CNTNAP2: variants seen among roughly 807,000 people sequenced by gnomAD.
The protein encoded by CNTNAP2 is contactin-associated protein-like 2.
A neutral mutation model predicts 155.2 loss-of-function variants in CNTNAP2; 98 were observed. The ratio of observed to expected loss-of-function variants is 0.63; its 90% confidence interval spans 0.54 to 0.75. CNTNAP2 has a LOEUF of 0.75. Among genes scored for constraint, CNTNAP2 ranks in the 30% least tolerant of loss-of-function variants. CNTNAP2 has a pLI of 0.00. For missense variants in CNTNAP2, 1,727 were observed against 1,688.1 expected (o/e 1.02, Z -0.40); for synonymous variants, 651 against 631.2 (o/e 1.03, Z -0.47).
At chr7:148,205,379 G>A (rs952528733) in intron 18 of CNTNAP2, among the ~76,000 whole-genome samples, 11 of 152,244 alleles carry the variant, frequency 7.2e-5, no homozygotes, top group Admixed American at 5.2e-4. Context: ...AGCAAACTGT[G>A]AAGTTAGCAG....
rs193203892 is a variant in CNTNAP2, at chr7:148,270,702, G to C, written c.3475+3576G>C. On this transcript the variant is annotated intron_variant, in intron 21 of 23. Transcript: ENST00000361727. ...ATCAGTAAGATTCGCACAGAGGTGA[G>C]AGCTGCAATCCTCACATATCTCACA... is the stretch of plus-strand genomic sequence containing the variant. 1.3e-4 allele frequency among the ~76,000 whole-genome samples: 20 copies of C among 152,338 alleles called. No individual in the cohort carries two copies. The East Asian group carries it at 3.3e-3, about 25-fold the overall frequency.
chr7:148,339,530 A>T (rs528317764), intron 21 of CNTNAP2: 1 of 152,266 alleles, frequency 6.6e-6, no homozygotes, highest in African/African-American at 2.4e-5. Flanking sequence ...CTGCCGGCCG[A>T]CAAAGGACGG....
chr7:147,533,800 C>G (rs1799488152), intron 11 of CNTNAP2, among the ~76,000 whole-genome samples: 1 of 151,944 alleles, frequency 6.6e-6, no homozygotes, highest in Non-Finnish European at 1.5e-5. Flanking sequence ...TAACTATACT[C>G]ACAATCATAT....
At chr7:147,866,746 C>G (rs1799235797) in intron 13 of CNTNAP2, among the ~76,000 whole-genome samples, 1 of 105,530 alleles carries the variant, frequency 9.5e-6, no homozygotes, top group Admixed American at 8.7e-5. Context: ...GGATTGCAAC[C>G]CCTGTTTTTT....
rs56702767 is a variant in CNTNAP2 at position 148,253,055 on chromosome 7, TGATA to T, written c.3382-13961_3382-13958del. On this transcript the variant is annotated intron_variant, in intron 20 of 23. Transcript: ENST00000361727. ...ATAGATAGATAGATAGATAGACAGA[TGATA>T]GATAGATAGATAGATATTGATTGAT... Among the ~76,000 whole-genome samples, 4 of 138,800 alleles carry T rather than the reference TGATA, an allele frequency of 2.9e-5. No individual in the cohort carries two copies. In the South Asian group the frequency reaches 7.0e-4, roughly 24 times the overall value. The allele number at this position is 138,800 out of a possible 152,430, so 91.1% of individuals were successfully genotyped here.
At chr7:148,162,326 G>A (rs1805563522) in intron 17 of CNTNAP2, among the ~76,000 whole-genome samples, 1 of 152,134 alleles carries the variant, frequency 6.6e-6, no homozygotes, top group Admixed American at 6.5e-5. Context: ...TGACATCTGG[G>A]TTTATTAAAG....
intron 13 of CNTNAP2, among the ~76,000 whole-genome samples, chr7:147,806,527 T>C (rs926355786): frequency 2.0e-5 from 3 of 152,144 alleles, no homozygotes; most frequent in Admixed American, 1.3e-4. Flanking sequence ...AAATCAGTAT[T>C]TCAAAAAGGT....
chr7:147,677,090 C>T (rs1236749494), intron 13 of CNTNAP2, among the ~76,000 whole-genome samples: 1 of 151,060 alleles, frequency 6.6e-6, no homozygotes, highest in Non-Finnish European at 1.5e-5. Flanking sequence ...TTTTGAGGAA[C>T]CTCCATACTG....
intron 1 of CNTNAP2, among the ~76,000 whole-genome samples, chr7:146,458,938 A>G (rs979894052): frequency 1.3e-5 from 2 of 152,132 alleles, no homozygotes; most frequent in South Asian, 2.1e-4. Context: ...TACACATCCT[A>G]TTGGTTTTGC....
chr7:147,429,654 A>G (rs372235538), intron 10 of CNTNAP2, among the ~76,000 whole-genome samples: 60 of 152,284 alleles, frequency 3.9e-4, no homozygotes, highest in African/African-American at 1.3e-3. Flanking sequence ...TATGTCTAGA[A>G]GAGTTTTTTC....
intron 13 of CNTNAP2, among the ~76,000 whole-genome samples, chr7:147,669,970 G>T (rs1795761020): frequency 6.6e-6 from 1 of 152,174 alleles, no homozygotes; most frequent in Admixed American, 6.5e-5. Flanking sequence ...TACTCTTCTA[G>T]AAATAGGGGA....
At chr7:147,141,029 C>T (rs1801581618) in intron 8 of CNTNAP2, among the ~76,000 whole-genome samples, 1 of 152,132 alleles carries the variant, frequency 6.6e-6, no homozygotes, top group African/African-American at 2.4e-5. Flanking sequence ...TACACTATAC[C>T]TGTCACTGTG....
At chr7:147,431,185 A>G (rs1563201600) in intron 10 of CNTNAP2, among the ~76,000 whole-genome samples, 1 of 152,118 alleles carries the variant, frequency 6.6e-6, no homozygotes, top group Non-Finnish European at 1.5e-5. Flanking sequence ...AAAAGTGATT[A>G]ATGTCAACCA....
intron 13 of CNTNAP2, among the ~76,000 whole-genome samples, chr7:147,779,224 G>A (rs1254224577): frequency 6.6e-6 from 1 of 152,132 alleles, no homozygotes; most frequent in East Asian, 1.9e-4. Flanking sequence ...GGTTTTGTTG[G>A]TGCTGCTAAG....
chr7:146,926,578 A>AT (rs1344112557), intron 3 of CNTNAP2, among the ~76,000 whole-genome samples: 1 of 152,142 alleles, frequency 6.6e-6, no homozygotes, highest in African/African-American at 2.4e-5. Context: ...TCCTTCCACA[A>AT]TTTTAGTACT....
In CNTNAP2 at chr7:146,388,914, A is replaced by G. The variant is rs1000442712; in HGVS notation, c.97+271941A>G. ...GTAGATCTTGCTGTGGCTCCTTTCA[A>G]TCTGTTGTCAGAAGAAGATGCAGAG... On this transcript the variant is annotated intron_variant, in intron 1 of 23. Transcript: ENST00000361727. 4.6e-5 allele frequency among the ~76,000 whole-genome samples: 7 copies of G among 151,884 alleles called. 1 individual carries two copies. The Middle Eastern group carries it at 0.01, about 223-fold the overall frequency.
chr7:147,460,284 A>G (rs563597299), intron 10 of CNTNAP2, among the ~76,000 whole-genome samples: 5 of 152,170 alleles, frequency 3.3e-5, no homozygotes, highest in African/African-American at 1.2e-4. Flanking sequence ...CTTAAACAGT[A>G]CGGTGCTTGT....
chr7:147,815,842 G>A (rs555205208), intron 13 of CNTNAP2, among the ~76,000 whole-genome samples: 24 of 152,282 alleles, frequency 1.6e-4, no homozygotes, highest in African/African-American at 4.6e-4. Flanking sequence ...AGGGCTCCGC[G>A]GGCTGCCTGT....
rs976425564 is a variant in CNTNAP2, at chr7:146,829,725, T to C, written c.209-9986T>C. ...GTTTATTCTTTTGAAGAGTGGAAGA[T>C]GGAATTTAATTTACTCTTTAACTTT... On this transcript the variant is annotated intron_variant, in intron 2 of 23. Coordinates refer to ENST00000361727, the MANE Select transcript of CNTNAP2 (RefSeq NM_014141.6). Among the ~76,000 whole-genome samples, 6 of 152,194 alleles carry C rather than the reference T, an allele frequency of 3.9e-5. No homozygotes were observed. In the South Asian group the frequency reaches 1.2e-3, roughly 32 times the overall value.
Sources: allele counts gnomAD v4.1 joint callset (sites outside exome capture counted in the v4.1 genomes callset), GRCh38; gene constraint gnomAD v4.1.1; transcripts MANE v1.5; gene names NCBI Gene and HGNC (gene_info 2026-07-23, HGNC 2026-07-21).